PGCKA1: variants seen among roughly 807,000 people sequenced by gnomAD.
The protein encoded by PGCKA1 is PDCD10 and GCKIII kinases-associated protein 1.
the PGCKA1 span, among the ~76,000 whole-genome samples, chr4:37,563,025 G>A: frequency 6.6e-6 from 1 of 152,080 alleles, no homozygotes; most frequent in African/African-American, 2.4e-5. Context: ...AAGGAATATT[G>A]GGTTCCAACT....
At chr4:37,521,934 G>A in the PGCKA1 span, among the ~76,000 whole-genome samples, 3 of 152,270 alleles carry the variant, frequency 2.0e-5, no homozygotes, top group South Asian at 4.1e-4. Context: ...TTATCTTTAT[G>A]TAGTGACCTT....
chr4:37,478,718 T>C, the PGCKA1 span, among the ~76,000 whole-genome samples: 1 of 152,242 alleles, frequency 6.6e-6, no homozygotes, highest in African/African-American at 2.4e-5. Context: ...AGGGAATCCA[T>C]TTCTACAAAG....
chr4:37,579,577 T>C, the PGCKA1 span, among the ~76,000 whole-genome samples: 1 of 152,238 alleles, frequency 6.6e-6, no homozygotes, highest in Admixed American at 6.5e-5. Context: ...ACTTTAAATA[T>C]GTTATGCCAC....
the PGCKA1 span, among the ~76,000 whole-genome samples, chr4:37,531,444 G>A: frequency 6.6e-6 from 1 of 152,042 alleles, no homozygotes; most frequent in Admixed American, 6.6e-5. Context: ...AAAATTGTCT[G>A]GGAAATGCAT....
chr4:37,512,696 C>A, the PGCKA1 span, among the ~76,000 whole-genome samples: 1 of 151,944 alleles, frequency 6.6e-6, no homozygotes, highest in African/African-American at 2.4e-5. Context: ...CCTCATGATC[C>A]ACCCGCCTCG....
chr4:37,512,034 C>T, the PGCKA1 span, among the ~76,000 whole-genome samples: 1 of 152,190 alleles, frequency 6.6e-6, no homozygotes, highest in Non-Finnish European at 1.5e-5. Context: ...CAGTGCAAAG[C>T]CCCACAATCA....
chr4:37,515,498 G>C, the PGCKA1 span, among the ~76,000 whole-genome samples: 1 of 152,028 alleles, frequency 6.6e-6, no homozygotes. Flanking sequence ...AACTATCTTG[G>C]GTATTCATAG....
At chr4:37,537,371 T>C in the PGCKA1 span, among the ~76,000 whole-genome samples, 82 of 152,350 alleles carry the variant, frequency 5.4e-4, no homozygotes, top group Middle Eastern at 6.8e-3. Flanking sequence ...TTTGAGGCTG[T>C]CAATATGTTA....
chr4:37,499,755 T>C, the PGCKA1 span, among the ~76,000 whole-genome samples: 1 of 152,072 alleles, frequency 6.6e-6, no homozygotes, highest in Non-Finnish European at 1.5e-5. Context: ...AACACACTTC[T>C]AGATTCATTG....
At chr4:37,487,448 A>G in the PGCKA1 span, among the ~76,000 whole-genome samples, 1 of 152,202 alleles carries the variant, frequency 6.6e-6, no homozygotes, top group Admixed American at 6.5e-5. Context: ...TTCAATATGC[A>G]TTGCATTAAC....
the PGCKA1 span, among the ~76,000 whole-genome samples, chr4:37,586,545 A>G: frequency 6.6e-6 from 1 of 152,218 alleles, no homozygotes; most frequent in Non-Finnish European, 1.5e-5. Context: ...GTCCTCAAGC[A>G]TGAAGTGATT....
At chr4:37,563,575 G>A in the PGCKA1 span, among the ~76,000 whole-genome samples, 2 of 152,100 alleles carry the variant, frequency 1.3e-5, no homozygotes, top group Non-Finnish European at 2.9e-5. Flanking sequence ...CACTCACAAT[G>A]AGTTAGGGTT....
At chr4:37,561,176 C>T in the PGCKA1 span, among the ~76,000 whole-genome samples, 1 of 152,128 alleles carries the variant, frequency 6.6e-6, no homozygotes, top group East Asian at 1.9e-4. Flanking sequence ...AGACTGTCTC[C>T]TCTCCTGCTT....
At chr4:37,590,135 A>T in the PGCKA1 span, 1 of 1,614,204 alleles carries the variant, frequency 6.2e-7, no homozygotes. Context: ...TATGTCAATG[A>T]AGTCAACAGC....
the PGCKA1 span, among the ~76,000 whole-genome samples, chr4:37,486,901 T>G: frequency 6.6e-6 from 1 of 152,164 alleles, no homozygotes; most frequent in South Asian, 2.1e-4. Flanking sequence ...TTGTTCTAGT[T>G]CCTGGCTGCC....
At chr4:37,553,792 C>T in the PGCKA1 span, among the ~76,000 whole-genome samples, 10 of 152,322 alleles carry the variant, frequency 6.6e-5, no homozygotes, top group Non-Finnish European at 1.5e-4. Flanking sequence ...TTTTTTAAAA[C>T]ATGCAAGGTA....
the PGCKA1 span, among the ~76,000 whole-genome samples, chr4:37,548,210 A>G: frequency 6.6e-6 from 1 of 152,172 alleles, no homozygotes; most frequent in Admixed American, 6.5e-5. Context: ...AAAATGTTGT[A>G]TAATTTAAAA....
At chr4:37,520,742 C>A in the PGCKA1 span, among the ~76,000 whole-genome samples, 1 of 152,120 alleles carries the variant, frequency 6.6e-6, no homozygotes. Context: ...TTCAGCCTCC[C>A]GAGTAGCTGG....
the PGCKA1 span, among the ~76,000 whole-genome samples, chr4:37,544,300 T>C: frequency 3.3e-5 from 5 of 152,336 alleles, no homozygotes; most frequent in South Asian, 6.2e-4. Context: ...TTCTGAAATA[T>C]CTCAGTGATG....
Sources: allele counts gnomAD v4.1 joint callset (sites outside exome capture counted in the v4.1 genomes callset), GRCh38; gene constraint gnomAD v4.1.1; transcripts MANE v1.5; gene names NCBI Gene and HGNC (gene_info 2026-07-23, HGNC 2026-07-21).